SPATA18: variants seen among roughly 807,000 people sequenced by gnomAD.
The protein encoded by SPATA18 is spermatogenesis associated 18.
Under a neutral mutation model 68.1 loss-of-function variants are expected in SPATA18, and 54 were observed. The observed-to-expected ratio is 0.79, with a 90% CI of 0.64 to 0.99. The LOEUF (loss-of-function observed/expected upper bound fraction) is 0.99, where lower values mean the gene tolerates loss of function less well. Among genes scored for constraint, SPATA18 ranks in the 50% least tolerant of loss-of-function variants. The pLI is 0.00. For synonymous variants in SPATA18, 242 were observed against 244.8 expected (o/e 0.99, Z 0.11); for missense variants, 724 against 681.1 (o/e 1.06, Z -0.70).
intron 1 of SPATA18, among the ~76,000 whole-genome samples, chr4:52,052,079 C>T (rs776811162): frequency 6.6e-5 from 10 of 152,166 alleles, no homozygotes; most frequent in South Asian, 2.1e-4. Context: ...CTAAGGACGC[C>T]GGCGACCTAG....
intron 5 of SPATA18, 49 bp from the exon 6 acceptor site, chr4:52,071,868 C>T (rs1739873031): frequency 1.9e-6 from 3 of 1,580,336 alleles, no homozygotes; most frequent in African/African-American, 1.4e-5. Flanking sequence ...CCTTCACTCC[C>T]TCCCCTCTCC....
rs1362466251 is a variant in SPATA18, at chr4:52,097,148, TAG to T, written c.*2265_*2266del. 3 of 152,326 alleles carry T rather than the reference TAG, an allele frequency of 2.0e-5. No individual in the cohort carries two copies. Among genetic ancestry groups the T allele is most frequent in the Non-Finnish European group, 4.4e-5 (3 of 68,018 alleles). 9.4% of individuals were successfully genotyped at this position (152,326 alleles called of 1,614,324 possible). ...TTTATCTGGGGATGTACCTTACCCT[TAG>T]AGACTTTGAAAAATGTGAAGCTCTT... On this transcript the variant is annotated 3_prime_UTR_variant, in exon 13 of 13. Transcript: ENST00000295213.
intron 6 of SPATA18, among the ~76,000 whole-genome samples, 197 bp from the exon 7 acceptor site, chr4:52,076,582 G>C (rs1740367140): frequency 6.6e-6 from 1 of 152,128 alleles, no homozygotes; most frequent in African/African-American, 2.4e-5. Flanking sequence ...AGAAATTCTA[G>C]TTGCTTATAA....
At chr4:52,055,379 C>G (rs1188006819) in intron 1 of SPATA18, among the ~76,000 whole-genome samples, 1 of 152,114 alleles carries the variant, frequency 6.6e-6, no homozygotes, top group Non-Finnish European at 1.5e-5. Context: ...GCTCTCATTG[C>G]CAATACTAGT....
intron 6 of SPATA18, among the ~76,000 whole-genome samples, chr4:52,073,349 G>A (rs1740035906): frequency 6.6e-6 from 1 of 152,166 alleles, no homozygotes; most frequent in South Asian, 2.1e-4. Context: ...GTTTACTTCA[G>A]GCTAGCTAGT....
chr4:52,053,131 C>T (rs180965150), intron 1 of SPATA18, among the ~76,000 whole-genome samples: 9 of 152,104 alleles, frequency 5.9e-5, no homozygotes, highest in African/African-American at 2.2e-4. Flanking sequence ...TAACTAAACT[C>T]TGAATTTTAA....
chr4:52,077,709 A>G (rs1018572331), intron 7 of SPATA18, among the ~76,000 whole-genome samples: 1 of 152,168 alleles, frequency 6.6e-6, no homozygotes, highest in Non-Finnish European at 1.5e-5. Flanking sequence ...TTCTTAAACA[A>G]ATGAGAAGGC....
chr4:52,067,034 G>A (rs1272859524), intron 4 of SPATA18, among the ~76,000 whole-genome samples: 5 of 152,126 alleles, frequency 3.3e-5, no homozygotes, highest in Admixed American at 3.3e-4. Context: ...GGATTGCTGG[G>A]TCAAATGGTA....
At position 52,084,979 on chromosome 4, in the gene SPATA18, A is replaced by G. The variant is rs1741292554; in HGVS notation, c.1543A>G (p.Ser515Gly). 2 of 1,613,530 alleles carry G rather than the reference A, an allele frequency of 1.2e-6. No homozygotes were observed. The highest frequency in any genetic ancestry group is 2.2e-5 in the East Asian group (1 of 44,850). ...GAGTTTAAGTCCCATTTGCCCCCGT[A>G]GCCAAATTGGTTTAAACACGGTACA... ...SRSLSPICPRSQIGLNTMSRS... is the reference protein window; with the variant it reads ...SRSLSPICPRGQIGLNTMSRS... Residue 515 changes from serine (S) to glycine (G), a missense_variant, in exon 11 of 13, where the codon AGC becomes GGC. Physicochemically the swap from Ser to Gly is moderately conservative, Grantham distance 56. Transcript: ENST00000295213.
chr4:52,066,479 G>A (rs1198045864), intron 4 of SPATA18, among the ~76,000 whole-genome samples: 8 of 152,120 alleles, frequency 5.3e-5, no homozygotes, highest in African/African-American at 7.2e-5. Context: ...ATTAAAAGCC[G>A]TTAGTCTCCT....
intron 4 of SPATA18, among the ~76,000 whole-genome samples, chr4:52,067,130 G>T (rs146003936): frequency 5.9e-5 from 9 of 152,262 alleles, no homozygotes; most frequent in East Asian, 3.9e-4. Flanking sequence ...GTGTGAAAAA[G>T]TTCCTATTTC....
intron 6 of SPATA18, 36 bp downstream of exon 6, chr4:52,072,192 T>C: frequency 6.2e-7 from 1 of 1,608,626 alleles, no homozygotes; most frequent in Non-Finnish European, 8.5e-7. Context: ...TCATTTAGGC[T>C]CTTTTTGCTG....
chr4:52,052,918 C>T (rs1738024019), intron 1 of SPATA18, among the ~76,000 whole-genome samples: 1 of 152,180 alleles, frequency 6.6e-6, no homozygotes. Flanking sequence ...CCTGTTCAGT[C>T]CTTTGCTCCC....
chr4:52,080,847 G>T (rs1740856206), intron 9 of SPATA18, among the ~76,000 whole-genome samples: 1 of 152,202 alleles, frequency 6.6e-6, no homozygotes, highest in Admixed American at 6.5e-5. Context: ...CCGGGTTTTT[G>T]TTCAGGTTGT....
At chr4:52,083,444 T>A in intron 10 of SPATA18, 1 of 985,468 alleles carries the variant, frequency 1.0e-6, no homozygotes, top group Non-Finnish European at 1.2e-6. Context: ...TTAAAATGTT[T>A]TGTTCCATAA....
chr4:52,072,304 T>G lies in SPATA18; in HGVS notation c.758+148T>G, dbSNP rs191104526. On this transcript the variant is annotated intron_variant, in intron 6 of 12. Transcript: ENST00000295213. Reference sequence around the variant, plus strand: ...AGCTTTGAATTGTAAAGGGATTGTTTTCTTAACTGCACCCCTTCCAGAGAG... The same window carrying G: ...AGCTTTGAATTGTAAAGGGATTGTTGTCTTAACTGCACCCCTTCCAGAGAG... 44 of 1,295,052 alleles carry G rather than the reference T, an allele frequency of 3.4e-5. No individual in the cohort carries two copies. In the African/African-American group the frequency reaches 5.2e-4, roughly 15 times the overall value. 80.2% of individuals were successfully genotyped at this position (1,295,052 alleles called of 1,614,324 possible).
chr4:52,076,223 A>T (rs1185509582), intron 6 of SPATA18, among the ~76,000 whole-genome samples: 1 of 152,168 alleles, frequency 6.6e-6, no homozygotes, highest in Non-Finnish European at 1.5e-5. Context: ...GTAAAGCAGG[A>T]GCAGGCTGAG....
chr4:52,074,685 G>A (rs1032021229), intron 6 of SPATA18, among the ~76,000 whole-genome samples: 1 of 152,136 alleles, frequency 6.6e-6, no homozygotes, highest in Admixed American at 6.5e-5. Context: ...CCTCAAATGG[G>A]TTAATGTTAC....
chr4:52,073,034 C>G (rs549928177), intron 6 of SPATA18, among the ~76,000 whole-genome samples: 22 of 152,268 alleles, frequency 1.4e-4, no homozygotes, highest in Admixed American at 2.6e-4. Flanking sequence ...AACAACCCCC[C>G]TCAAGCCCCT....
Sources: allele counts gnomAD v4.1 joint callset (sites outside exome capture counted in the v4.1 genomes callset), GRCh38; gene constraint gnomAD v4.1.1; transcripts MANE v1.5; gene names NCBI Gene and HGNC (gene_info 2026-07-23, HGNC 2026-07-21).